OGDH: variants seen among roughly 807,000 people sequenced by gnomAD.
OGDH encodes the protein 2-oxoglutarate dehydrogenase complex component E1.
Under a neutral mutation model 116.6 loss-of-function variants are expected in OGDH, and 38 were observed. That is an observed-to-expected ratio of 0.33 (90% CI 0.25 to 0.43). OGDH has a LOEUF of 0.43. Among genes scored for constraint, OGDH ranks in the 20% least tolerant of loss-of-function variants. OGDH has a pLI of 1.00. For missense variants in OGDH, 825 were observed against 1,357.2 expected (o/e 0.61, Z 6.16); for synonymous variants, 488 against 533.3 (o/e 0.92, Z 1.17).
chr7:44,673,371 T>A (rs1306468978), intron 5 of OGDH, among the ~76,000 whole-genome samples: 1 of 152,218 alleles, frequency 6.6e-6, no homozygotes, highest in East Asian at 1.9e-4. Flanking sequence ...TAACAGCCAT[T>A]GAGCCTATGA....
At chr7:44,681,608 A>G in intron 9 of OGDH, 112 bp from the exon 10 acceptor site, 1 of 1,431,974 alleles carries the variant, frequency 7.0e-7, no homozygotes, top group Non-Finnish European at 9.5e-7. Flanking sequence ...CTATGTTTGA[A>G]ATTATCTCAA....
chr7:44,681,897 G>A (rs772986970), intron 10 of OGDH, 49 bp downstream of exon 10: 11 of 1,599,412 alleles, frequency 6.9e-6, no homozygotes, highest in Non-Finnish European at 9.4e-6. Flanking sequence ...GTCTTACTTA[G>A]AATGACATCT....
At chr7:44,646,048 G>A (rs548167882) in intron 3 of OGDH, among the ~76,000 whole-genome samples, 2 of 152,312 alleles carry the variant, frequency 1.3e-5, no homozygotes, top group Admixed American at 1.3e-4. Context: ...ATTGCAGTTA[G>A]TGGCCAGTCT....
At chr7:44,686,478 A>G (rs982720412) in intron 10 of OGDH, among the ~76,000 whole-genome samples, 2 of 152,112 alleles carry the variant, frequency 1.3e-5, no homozygotes, top group Non-Finnish European at 2.9e-5. Flanking sequence ...CATGAGGGGT[A>G]TTGATCTTTT....
intron 10 of OGDH, among the ~76,000 whole-genome samples, chr7:44,692,320 T>G (rs1449611658): frequency 2.0e-5 from 3 of 152,248 alleles, no homozygotes; most frequent in Admixed American, 6.5e-5. Flanking sequence ...TAAGTTTCAC[T>G]GGAAAGTAGA....
At chr7:44,705,046 A>ATTTTTTTTTTTTTTT (rs1585406047) in intron 20 of OGDH, among the ~76,000 whole-genome samples, 3 of 87,684 alleles carry the variant, frequency 3.4e-5, no homozygotes, top group African/African-American at 1.2e-4. Flanking sequence ...AAAGTTTTTA[A>ATTTTTTTTTTTTTTT]TTTTCTTTTT....
rs747862920 is a variant in OGDH at position 44,681,868 on chromosome 7, G to A, written c.1335+20G>A. 9 of 1,613,618 alleles carry A rather than the reference G, an allele frequency of 5.6e-6. 1 individual carries two copies. The highest frequency in any genetic ancestry group is 3.3e-5 in the Admixed American group (2 of 59,934). ...AACCAGGTACCTCACACCAGCCTGC[G>A]GCTTTGCTGCTCACATCAGTCTTAC... On this transcript the variant is annotated intron_variant, in intron 10 of 22. Transcript: ENST00000222673.
chr7:44,644,064 G>T (rs1430863316), intron 2 of OGDH, among the ~76,000 whole-genome samples: 2 of 152,138 alleles, frequency 1.3e-5, no homozygotes, highest in Non-Finnish European at 2.9e-5. Context: ...AAAATTATAA[G>T]CCTGGTGGCG....
chr7:44,609,102 T>C (rs1291532514), intron 1 of OGDH, among the ~76,000 whole-genome samples: 1 of 152,158 alleles, frequency 6.6e-6, no homozygotes, highest in Non-Finnish European at 1.5e-5. Context: ...TCCCTAATTT[T>C]GGCATGTCAA....
At chr7:44,698,559 T>G (rs1047081326) in intron 18 of OGDH, among the ~76,000 whole-genome samples, 3 of 152,076 alleles carry the variant, frequency 2.0e-5, no homozygotes, top group Non-Finnish European at 4.4e-5. Context: ...TGCGGGATGC[T>G]TCCAGACCCT....
chr7:44,694,128 C>G lies in OGDH; in HGVS notation c.1515+124C>G. 2 of 1,080,108 alleles carry G rather than the reference C, an allele frequency of 1.9e-6. No homozygotes were observed. The highest frequency in any genetic ancestry group is 2.6e-6 in the Non-Finnish European group (2 of 763,894). The allele number at this position is 1,080,108 out of a possible 1,614,324, so 66.9% of individuals were successfully genotyped here. ...TGAGTCACCTCAGGGCTCTCTACTG[C>G]CAGGCCTCATGCTGGTTCCTTTGAG... On this transcript the variant is annotated intron_variant, in intron 11 of 22. Coordinates refer to ENST00000222673, the MANE Select transcript of OGDH (RefSeq NM_002541.4). The surrounding 1 kb of genome is among the most constrained non-coding windows in gnomAD (Gnocchi z 4.2).
chr7:44,678,034 T>C (rs558847844), intron 9 of OGDH, among the ~76,000 whole-genome samples: 3 of 152,154 alleles, frequency 2.0e-5, no homozygotes, highest in Non-Finnish European at 4.4e-5. Flanking sequence ...GATTCCCGCA[T>C]CGATCAATGC....
intron 9 of OGDH, among the ~76,000 whole-genome samples, chr7:44,679,916 A>G (rs550427548): frequency 6.6e-6 from 1 of 151,690 alleles, no homozygotes; most frequent in Non-Finnish European, 1.5e-5. Context: ...TTCCTTAAAA[A>G]CCCATCTTTC....
chr7:44,679,175 C>T (rs987744743), intron 9 of OGDH, among the ~76,000 whole-genome samples: 5 of 152,188 alleles, frequency 3.3e-5, no homozygotes, highest in African/African-American at 7.2e-5. Flanking sequence ...AATACCATGA[C>T]AAGAGGAAGA....
At chr7:44,691,531 CAAA>C (rs56021103) in intron 10 of OGDH, among the ~76,000 whole-genome samples, 21 of 77,744 alleles carry the variant, frequency 2.7e-4, no homozygotes, top group Non-Finnish European at 2.9e-4. Context: ...GACCTTCTCT[CAAA>C]AAAAAAAAAA....
intron 2 of OGDH, among the ~76,000 whole-genome samples, chr7:44,632,610 TTTG>T (rs1229661233): frequency 3.4e-5 from 5 of 147,632 alleles, no homozygotes; most frequent in Admixed American, 6.6e-5. Flanking sequence ...GTGGATGTTT[TTTG>T]TTGTTGTTGT....
intron 4 of OGDH, among the ~76,000 whole-genome samples, chr7:44,653,345 G>T (rs142974640): frequency 6.6e-6 from 1 of 152,040 alleles, no homozygotes. Flanking sequence ...CGCCCGTCTC[G>T]GACTCCCAAA....
chr7:44,643,728 A>G (rs989397742), intron 2 of OGDH, among the ~76,000 whole-genome samples: 8 of 152,238 alleles, frequency 5.3e-5, no homozygotes, highest in Non-Finnish European at 1.0e-4. Flanking sequence ...ATATCCAGCC[A>G]TGTCCCAGAC....
intron 2 of OGDH, among the ~76,000 whole-genome samples, chr7:44,641,225 CTT>C (rs1175522868): frequency 0.065 from 5,288 of 81,510 alleles, 320 homozygotes; most frequent in African/African-American, 0.23. Flanking sequence ...TTTTTTTTTT[CTT>C]TTTTTTTTTT....
Sources: gnomAD v4.1 joint callset for allele counts (sites outside exome capture counted in the v4.1 genomes callset) on GRCh38, gnomAD v4.1.1 for gene constraint, Gnocchi (gnomAD v3.1) non-coding constraint, MANE v1.5 for transcripts, NCBI Gene and HGNC (gene_info 2026-07-23, HGNC 2026-07-21) for gene names.